Variants in TMCO4 observed in about 807,000 individuals in gnomAD.
TMCO4 encodes the protein transmembrane and coiled-coil domain-containing protein 4.
In TMCO4, 58 loss-of-function variants were observed where a neutral mutation model predicts 64.7. That is an observed-to-expected ratio of 0.90 (90% CI 0.73 to 1.12). TMCO4 has a LOEUF of 1.12. Ranked by LOEUF, TMCO4 falls within the 50% of genes most tolerant of loss-of-function variation. The pLI is 0.00. For missense variants in TMCO4, 780 were observed against 825.9 expected, an observed-to-expected ratio of 0.94 and a Z score of 0.68; for synonymous variants, 325 against 346.1, an observed-to-expected ratio of 0.94 and a Z score of 0.68.
intron 13 of TMCO4, among the ~76,000 whole-genome samples, chr1:19,703,554 C>T (rs6426821): frequency 1 from 147,362 of 148,080 alleles, 73,324 homozygotes; most frequent in East Asian, 1. Flanking sequence ...TCTTTTCTTC[C>T]TCTTTTTTTT....
chr1:19,691,305 T>C (rs1023667316), intron 15 of TMCO4, among the ~76,000 whole-genome samples: 3 of 152,092 alleles, frequency 2.0e-5, no homozygotes, highest in African/African-American at 4.8e-5. Flanking sequence ...TCTGGTGGGT[T>C]AGGAATTTTG....
At chr1:19,790,957 A>T (rs1458963185) in intron 2 of TMCO4, among the ~76,000 whole-genome samples, 4 of 152,242 alleles carry the variant, frequency 2.6e-5, no homozygotes, top group African/African-American at 9.6e-5. Context: ...GTACATATAC[A>T]CCATGGAATG....
intron 12 of TMCO4, 60 bp from the exon 13 acceptor site, chr1:19,737,516 A>G: frequency 6.6e-7 from 1 of 1,504,030 alleles, no homozygotes; most frequent in Non-Finnish European, 9.2e-7. Context: ...GCAAAACATC[A>G]GGCCTGAGGA....
At chr1:19,708,583 G>C (rs910532227) in intron 13 of TMCO4, among the ~76,000 whole-genome samples, 1 of 152,126 alleles carries the variant, frequency 6.6e-6, no homozygotes, top group Admixed American at 6.5e-5. Flanking sequence ...GAACACTTTC[G>C]GACAGTGTGG....
chr1:19,747,366 T>TTG, intron 7 of TMCO4, 106 bp from the exon 8 acceptor site: 1 of 973,478 alleles, frequency 1.0e-6, no homozygotes, highest in Non-Finnish European at 1.6e-6. Flanking sequence ...GTAGCTACTC[T>TTG]GCCACTCAGA....
At chr1:19,785,625 C>CAA (rs1553152775) in intron 3 of TMCO4, among the ~76,000 whole-genome samples, 1 of 152,166 alleles carries the variant, frequency 6.6e-6, no homozygotes, top group Non-Finnish European at 1.5e-5. Context: ...GGGAGACAGG[C>CAA]AATAATATGC....
intron 15 of TMCO4, among the ~76,000 whole-genome samples, chr1:19,686,955 A>AT (rs60727830): frequency 0.012 from 1,846 of 149,052 alleles, 34 homozygotes; most frequent in African/African-American, 0.043. Flanking sequence ...GTTTTTCTTA[A>AT]TTTTTTTTTT....
chr1:19,720,771 C>T (rs2095378946), intron 13 of TMCO4, among the ~76,000 whole-genome samples: 1 of 152,128 alleles, frequency 6.6e-6, no homozygotes, highest in Non-Finnish European at 1.5e-5. Flanking sequence ...GTGGCAAAGA[C>T]AGGGTCCCCA....
chr1:19,726,880 A>C (rs2095411029), intron 13 of TMCO4, among the ~76,000 whole-genome samples: 1 of 152,230 alleles, frequency 6.6e-6, no homozygotes, highest in African/African-American at 2.4e-5. Context: ...CGGCTACATG[A>C]TGGATTTAAA....
At chr1:19,746,797 G>A (rs1232939547) in intron 8 of TMCO4, among the ~76,000 whole-genome samples, 198 bp from the exon 9 acceptor site, 3 of 151,868 alleles carry the variant, frequency 2.0e-5, no homozygotes, top group African/African-American at 4.8e-5. Context: ...GGTGGCAGGC[G>A]CCTGTAATCC....
chr1:19,780,868 C>T, intron 3 of TMCO4, 102 bp from the exon 4 acceptor site: 1 of 1,011,074 alleles, frequency 9.9e-7, no homozygotes, highest in South Asian at 1.8e-5. Flanking sequence ...ATAAAGTAGG[C>T]ATCATTAAAA....
At position 19,743,369 on chromosome 1, in the gene TMCO4, G is replaced by C. The variant is rs1047571; in HGVS notation, c.877+2163C>G. Among the ~76,000 whole-genome samples the C allele has an allele frequency of 0.18, 27,859 of 152,164 alleles. 3,145 individuals carry two copies. Among genetic ancestry groups the C allele is most frequent in the East Asian group, 0.39 (2,006 of 5,180 alleles). The stretch of plus-strand genomic sequence containing the variant: ...TGTACATAATCAAGATTAATAAAGG[G>C]GTGGTCCAAAGAAAGTCCGGTCATT... On this transcript the variant is annotated intron_variant, in intron 10 of 15. Transcript: ENST00000294543. This position sits in a 1 kb window ranked among gnomAD's most constrained non-coding sequence, Gnocchi z 4.1.
chr1:19,761,926 C>A (rs2042522159), intron 6 of TMCO4, among the ~76,000 whole-genome samples: 1 of 152,212 alleles, frequency 6.6e-6, no homozygotes, highest in Non-Finnish European at 1.5e-5. Context: ...CCCTGGCCTG[C>A]TCCTAAGCAG....
At chr1:19,745,241 T>C (rs1409330894) in intron 10 of TMCO4, among the ~76,000 whole-genome samples, 3 of 127,684 alleles carry the variant, frequency 2.3e-5, no homozygotes, top group Non-Finnish European at 4.7e-5. Flanking sequence ...AGTGGGTGGG[T>C]AGATGGATGA....
intron 13 of TMCO4, among the ~76,000 whole-genome samples, chr1:19,731,175 G>A (rs980384620): frequency 5.5e-4 from 84 of 152,288 alleles, no homozygotes; most frequent in African/African-American, 2.0e-3. Context: ...AAGAGGGTAG[G>A]AGGCGCTGTG....
chr1:19,729,219 G>A (rs914691117), intron 13 of TMCO4, among the ~76,000 whole-genome samples: 12 of 151,814 alleles, frequency 7.9e-5, no homozygotes, highest in African/African-American at 1.9e-4. Flanking sequence ...GCCCAATCTC[G>A]GCTCACTGCA....
intron 10 of TMCO4, among the ~76,000 whole-genome samples, chr1:19,744,178 AC>A (rs145074485): frequency 0.02 from 3,086 of 151,972 alleles, 61 homozygotes; most frequent in East Asian, 0.055. Flanking sequence ...TCCCGCACCC[AC>A]CCTGCTCTTT....
At chr1:19,779,548 A>G (rs551379466) in intron 4 of TMCO4, among the ~76,000 whole-genome samples, 15 of 152,318 alleles carry the variant, frequency 9.8e-5, no homozygotes, top group South Asian at 4.1e-4. Context: ...GGTACTGTCA[A>G]TGATAGAGAT....
chr1:19,755,345 C>T (rs2042199319), intron 7 of TMCO4, among the ~76,000 whole-genome samples: 1 of 152,162 alleles, frequency 6.6e-6, no homozygotes, highest in Non-Finnish European at 1.5e-5. Context: ...AGGCTGGTCT[C>T]GAACTCCTGA....
Sources: gnomAD v4.1 joint callset for allele counts (sites outside exome capture counted in the v4.1 genomes callset) on GRCh38, gnomAD v4.1.1 for gene constraint, Gnocchi (gnomAD v3.1) non-coding constraint, MANE v1.5 for transcripts, NCBI Gene and HGNC (gene_info 2026-07-23, HGNC 2026-07-21) for gene names.